The following RSPO2 variants were observed in gnomAD, a reference collection of about 807,000 sequenced individuals.
The protein encoded by RSPO2 is R-spondin-2.
Under a neutral mutation model 30.9 loss-of-function variants are expected in RSPO2, and 14 were observed. The observed-to-expected ratio is 0.45, with a 90% CI of 0.30 to 0.71. The LOEUF (loss-of-function observed/expected upper bound fraction) is 0.71. Ranked by LOEUF, RSPO2 falls within the 30% of genes least tolerant of loss-of-function variation. RSPO2 has a pLI of 0.08. For synonymous variants in RSPO2, 107 were observed against 96.4 expected, an observed-to-expected ratio of 1.11 and a Z score of -0.64; for missense variants, 264 against 301.9, an observed-to-expected ratio of 0.87 and a Z score of 0.93.
chr8:108,042,626 T>G (rs1811792647), intron 2 of RSPO2, among the ~76,000 whole-genome samples: 2 of 152,092 alleles, frequency 1.3e-5, no homozygotes, highest in African/African-American at 4.8e-5. Context: ...AGCTGACAGC[T>G]AGGGAACCCA....
intron 2 of RSPO2, among the ~76,000 whole-genome samples, chr8:108,010,561 C>T (rs1204773631): frequency 2.0e-5 from 3 of 152,116 alleles, no homozygotes; most frequent in Admixed American, 6.6e-5. Flanking sequence ...AGAGAGCGAG[C>T]AAGAAGACAA....
chr8:107,927,715 GT>G lies in RSPO2; in HGVS notation c.617-26526del, dbSNP rs1812427280. ...GGATTACATTTATTGGTTTGCATAT[GT>G]TGAACCAGCCTTGCATCCCAGGGAT... On this transcript the variant is annotated intron_variant, in intron 5 of 5. Coordinates refer to ENST00000276659, the MANE Select transcript of RSPO2 (RefSeq NM_178565.5). Among the ~76,000 whole-genome samples the G allele has an allele frequency of 2.0e-5, 3 of 152,142 alleles. No individual in the cohort carries two copies. The South Asian group carries it at 6.2e-4, about 31-fold the overall frequency.
At chr8:108,058,500 T>C (rs1418486346) in intron 2 of RSPO2, among the ~76,000 whole-genome samples, 1 of 152,134 alleles carries the variant, frequency 6.6e-6, no homozygotes, top group Non-Finnish European at 1.5e-5. Context: ...AAAACTACTT[T>C]AAAGTTCATA....
At chr8:107,957,445 TC>T (rs1257828764) in intron 5 of RSPO2, among the ~76,000 whole-genome samples, 1 of 152,192 alleles carries the variant, frequency 6.6e-6, no homozygotes, top group African/African-American at 2.4e-5. Context: ...TCTTCCAATT[TC>T]TAAATGGGCC....
intron 5 of RSPO2, among the ~76,000 whole-genome samples, chr8:107,922,005 GC>G (rs1407124331): frequency 2.6e-5 from 4 of 152,052 alleles, no homozygotes; most frequent in Admixed American, 1.3e-4. Context: ...TACTGAATGG[GC>G]AAAAGCTGGA....
At chr8:107,943,353 T>C (rs557614753) in intron 5 of RSPO2, among the ~76,000 whole-genome samples, 2 of 152,334 alleles carry the variant, frequency 1.3e-5, no homozygotes, top group South Asian at 4.1e-4. Context: ...ATCAGCATTT[T>C]GAGAACTGTA....
intron 2 of RSPO2, among the ~76,000 whole-genome samples, chr8:108,045,493 C>T (rs1023108406): frequency 6.6e-6 from 1 of 152,090 alleles, no homozygotes; most frequent in Non-Finnish European, 1.5e-5. Context: ...ATGTATTAGA[C>T]ACTTGGGCTC....
intron 2 of RSPO2, among the ~76,000 whole-genome samples, chr8:107,991,112 T>C (rs577399039): frequency 1.5e-4 from 23 of 152,110 alleles, no homozygotes; most frequent in Non-Finnish European, 2.8e-4. Context: ...CTGGGCATGG[T>C]AGCGAATGCC....
intron 2 of RSPO2, among the ~76,000 whole-genome samples, chr8:108,014,633 G>C (rs1281088510): frequency 3.3e-5 from 5 of 151,920 alleles, no homozygotes; most frequent in African/African-American, 7.3e-5. Context: ...TCATAAGTGG[G>C]AGTTGAACAA....
chr8:108,015,557 C>T (rs1418901764), intron 2 of RSPO2, among the ~76,000 whole-genome samples: 1 of 152,104 alleles, frequency 6.6e-6, no homozygotes, highest in Non-Finnish European at 1.5e-5. Context: ...GCAAGAATCC[C>T]GCTAAGTTAG....
At chr8:107,913,232 A>G (rs1811876034) in intron 5 of RSPO2, among the ~76,000 whole-genome samples, 1 of 152,140 alleles carries the variant, frequency 6.6e-6, no homozygotes, top group Admixed American at 6.6e-5. Context: ...TAAGACTTAC[A>G]TAAATATAAT....
At chr8:108,048,865 T>C (rs1285710036) in intron 2 of RSPO2, among the ~76,000 whole-genome samples, 1 of 152,220 alleles carries the variant, frequency 6.6e-6, no homozygotes, top group African/African-American at 2.4e-5. Context: ...TCTGGTACAT[T>C]GTGTCTTTGT....
chr8:108,003,715 T>C (rs1815359298), intron 2 of RSPO2, among the ~76,000 whole-genome samples: 1 of 152,126 alleles, frequency 6.6e-6, no homozygotes, highest in Non-Finnish European at 1.5e-5. Flanking sequence ...ACAGGACAGA[T>C]TGCAGGCTAC....
chr8:107,927,566 G>C (rs1162063315), intron 5 of RSPO2, among the ~76,000 whole-genome samples: 1 of 152,052 alleles, frequency 6.6e-6, no homozygotes, highest in African/African-American at 2.4e-5. Context: ...TTTGAGATAC[G>C]TCCCATCAAT....
At chr8:108,075,038 T>G (rs1425824792) in intron 2 of RSPO2, among the ~76,000 whole-genome samples, 1 of 152,228 alleles carries the variant, frequency 6.6e-6, no homozygotes, top group East Asian at 1.9e-4. Context: ...TTAAATTTTT[T>G]CCTGTACTTA....
At chr8:108,047,277 G>A (rs1316337389) in intron 2 of RSPO2, among the ~76,000 whole-genome samples, 3 of 152,188 alleles carry the variant, frequency 2.0e-5, no homozygotes, top group African/African-American at 7.2e-5. Flanking sequence ...TTTCAATCCT[G>A]TTACACATAT....
chr8:108,065,062 C>G (rs1458636111), intron 2 of RSPO2, among the ~76,000 whole-genome samples: 1 of 151,746 alleles, frequency 6.6e-6, no homozygotes, highest in African/African-American at 2.4e-5. Flanking sequence ...AGGATATATA[C>G]CTAATGTAAA....
intron 2 of RSPO2, among the ~76,000 whole-genome samples, chr8:108,060,366 CAGG>C (rs1460148955): frequency 6.6e-6 from 1 of 151,758 alleles, no homozygotes; most frequent in Non-Finnish European, 1.5e-5. Context: ...AAAAACATGT[CAGG>C]AGAACTACAT....
intron 3 of RSPO2, among the ~76,000 whole-genome samples, chr8:107,968,922 C>T (rs1463469353): frequency 2.6e-5 from 4 of 152,138 alleles, no homozygotes; most frequent in African/African-American, 7.2e-5. Flanking sequence ...GCATTACCCA[C>T]TGTCTAGAGT....
Sources: allele counts gnomAD v4.1 joint callset (sites outside exome capture counted in the v4.1 genomes callset), GRCh38; gene constraint gnomAD v4.1.1; transcripts MANE v1.5; gene names NCBI Gene and HGNC (gene_info 2026-07-23, HGNC 2026-07-21).